The following GLIS3 variants were observed in gnomAD, a reference collection of about 807,000 sequenced individuals.
The protein encoded by GLIS3 is GLIS family zinc finger 3.
Under a neutral mutation model 78.6 loss-of-function variants are expected in GLIS3, and 53 were observed. The ratio of observed to expected loss-of-function variants is 0.67; its 90% CI spans 0.54 to 0.85. The LOEUF is 0.85. Ranked by LOEUF, GLIS3 falls within the 40% of genes least tolerant of loss-of-function variation. The pLI is 0.00. For missense variants in GLIS3, 1,703 were observed against 1,231.1 expected, an observed-to-expected ratio of 1.38 and a Z score of -5.74; for synonymous variants, 684 against 509.9, an observed-to-expected ratio of 1.34 and a Z score of -4.60.
At chr9:4,176,774 C>T (rs369416968) in intron 2 of GLIS3, among the ~76,000 whole-genome samples, 22 of 152,300 alleles carry the variant, frequency 1.4e-4, no homozygotes, top group African/African-American at 4.6e-4. Context: ...AAGACACCTG[C>T]GACCACGCCC....
At chr9:4,285,946 T>A in intron 2 of GLIS3, 92 bp downstream of exon 2, 1 of 1,438,250 alleles carries the variant, frequency 7.0e-7, no homozygotes, top group South Asian at 1.2e-5. Flanking sequence ...CACTGAATCA[T>A]GTATTTTTCC....
chr9:4,364,754 TG>T, the GLIS3 span, among the ~76,000 whole-genome samples: 1,202 of 122,418 alleles, frequency 9.8e-3, 25 homozygotes, highest in African/African-American at 0.036. Context: ...CATCATGTAT[TG>T]CTTTTTTTTT....
chr9:4,471,435 C>A, the GLIS3 span, among the ~76,000 whole-genome samples: 6 of 151,980 alleles, frequency 3.9e-5, no homozygotes, highest in East Asian at 1.9e-4. Context: ...AGAACAGAGC[C>A]CTCAGAAATA....
intron 8 of GLIS3, among the ~76,000 whole-genome samples, chr9:3,870,490 A>G (rs1449062370): frequency 6.6e-6 from 1 of 152,220 alleles, no homozygotes; most frequent in Admixed American, 6.5e-5. Context: ...CAAAAGAAAG[A>G]GGTTTAATTG....
At chr9:4,360,433 G>C in the GLIS3 span, among the ~76,000 whole-genome samples, 2 of 152,158 alleles carry the variant, frequency 1.3e-5, no homozygotes, top group Non-Finnish European at 2.9e-5. Context: ...CTGATGGCCA[G>C]TAATGCTAAT....
chr9:4,253,246 G>C (rs1022450755), intron 2 of GLIS3, among the ~76,000 whole-genome samples: 2 of 152,244 alleles, frequency 1.3e-5, no homozygotes, highest in African/African-American at 4.8e-5. Context: ...CTGTCCCAGG[G>C]AGATGGGAGT....
the GLIS3 span, among the ~76,000 whole-genome samples, chr9:4,410,662 C>T: frequency 1.6e-4 from 25 of 152,174 alleles, no homozygotes; most frequent in Non-Finnish European, 8.8e-5. Context: ...ACAGAAATAG[C>T]AGCATTAAAT....
At chr9:4,469,192 CT>C in the GLIS3 span, among the ~76,000 whole-genome samples, 1 of 152,058 alleles carries the variant, frequency 6.6e-6, no homozygotes, top group Non-Finnish European at 1.5e-5. Flanking sequence ...TAATGGGAGA[CT>C]TTAACACCCC....
intron 2 of GLIS3, among the ~76,000 whole-genome samples, chr9:4,175,378 A>G: frequency 6.6e-6 from 1 of 152,206 alleles, no homozygotes; most frequent in East Asian, 1.9e-4. Context: ...AAGAGGTCTG[A>G]AAAGAAATGT....
intron 4 of GLIS3, among the ~76,000 whole-genome samples, chr9:4,087,929 A>G (rs1369892174): frequency 6.6e-6 from 1 of 152,116 alleles, no homozygotes; most frequent in Non-Finnish European, 1.5e-5. Flanking sequence ...ATCTCGCATT[A>G]TGGTTAGTTA....
chr9:4,481,679 C>G, the GLIS3 span, among the ~76,000 whole-genome samples: 4 of 152,152 alleles, frequency 2.6e-5, no homozygotes, highest in African/African-American at 7.2e-5. Context: ...AGCCAGTTCA[C>G]TTTACTAGAC....
chr9:4,412,423 T>C, the GLIS3 span, among the ~76,000 whole-genome samples: 1 of 152,140 alleles, frequency 6.6e-6, no homozygotes, highest in Non-Finnish European at 1.5e-5. Flanking sequence ...AACTAGAGAG[T>C]ATTCCATCAT....
At chr9:4,421,629 A>T in the GLIS3 span, among the ~76,000 whole-genome samples, 1 of 152,230 alleles carries the variant, frequency 6.6e-6, no homozygotes. Flanking sequence ...GCAGGGGAAG[A>T]GGGTGCTCTC....
intron 2 of GLIS3, among the ~76,000 whole-genome samples, chr9:4,344,925 A>G (rs2130590936): frequency 6.6e-6 from 1 of 152,210 alleles, no homozygotes; most frequent in Non-Finnish European, 1.5e-5. Flanking sequence ...ACTTCTCACC[A>G]TCTTCACCAC....
chr9:4,296,340 T>G (rs184221410), intron 1 of GLIS3, among the ~76,000 whole-genome samples: 1 of 150,278 alleles, frequency 6.7e-6, no homozygotes, highest in African/African-American at 2.4e-5. Context: ...TCTTCTGGAA[T>G]GGCAGAAGGA....
intron 4 of GLIS3, among the ~76,000 whole-genome samples, chr9:4,091,755 C>T (rs923989830): frequency 7.9e-5 from 12 of 152,112 alleles, no homozygotes; most frequent in African/African-American, 2.7e-4. Context: ...TTTCCTGAGG[C>T]TTCCCCAGCC....
chr9:4,183,897 T>C (rs1028477492), intron 2 of GLIS3, among the ~76,000 whole-genome samples: 4 of 152,202 alleles, frequency 2.6e-5, no homozygotes, highest in Non-Finnish European at 5.9e-5. Context: ...ATCCTTCTAA[T>C]ATACTGCTGC....
chr9:4,240,419 C>G (rs1000192824), intron 2 of GLIS3, among the ~76,000 whole-genome samples: 1 of 152,116 alleles, frequency 6.6e-6, no homozygotes, highest in African/African-American at 2.4e-5. Context: ...GACCCAGTTC[C>G]TAACAGGCTA....
At chr9:4,434,268 C>A in the GLIS3 span, among the ~76,000 whole-genome samples, 1 of 152,156 alleles carries the variant, frequency 6.6e-6, no homozygotes, top group Non-Finnish European at 1.5e-5. Context: ...ATGCCAGATG[C>A]TCTACTGGTG....
Sources: gnomAD v4.1 joint callset for allele counts (sites outside exome capture counted in the v4.1 genomes callset) on GRCh38, gnomAD v4.1.1 for gene constraint, MANE v1.5 for transcripts, NCBI Gene and HGNC (gene_info 2026-07-23, HGNC 2026-07-21) for gene names.